LIN52: variants seen among roughly 807,000 people sequenced by gnomAD.
LIN52 encodes the protein lin-52 DREAM MuvB core complex component, also known as protein lin-52 homolog.
A neutral mutation model predicts 18.5 loss-of-function variants in LIN52; 4 were observed. That is an observed-to-expected ratio of 0.22 (90% CI 0.11 to 0.49). LIN52 has a LOEUF of 0.49. Ranked by LOEUF, LIN52 falls within the 20% of genes least tolerant of loss-of-function variation. LIN52 has a pLI of 0.97. For missense variants in LIN52, 102 were observed against 139.5 expected (o/e 0.73, Z 1.35); for synonymous variants, 34 against 45.5 (o/e 0.75, Z 1.02).
rs559769860 is a variant in LIN52, at chr14:74,199,142, G to T, written c.*165G>T. ...CACTCTACACGTCTGAGGACATTCA[G>T]CAGCAAGAGAAGAATCTGCTCTACC... On this transcript the variant is annotated 3_prime_UTR_variant, in exon 6 of 6. Coordinates refer to ENST00000555028, the MANE Select transcript of LIN52 (RefSeq NM_001024674.3). 1.4e-4 allele frequency: 78 copies of T among 542,822 alleles called. 1 individual carries two copies. In the South Asian group the frequency reaches 2.1e-3, roughly 14 times the overall value. The allele number at this position is 542,822 out of a possible 1,614,324, so 33.6% of individuals were successfully genotyped here.
In LIN52 at chr14:74,200,641, T is replaced by C. The variant is rs1199308617; in HGVS notation, c.*1664T>C. On this transcript the variant is annotated 3_prime_UTR_variant, in exon 6 of 6. Transcript: ENST00000555028. ...CATTTGACCATCAATGTAGTTTTAC[T>C]TATTGAAAGGAAAAAAGACTTAACA... The C allele has an allele frequency of 6.6e-6, 1 of 152,156 alleles. No individual in the cohort carries two copies. The highest frequency in any genetic ancestry group is 1.5e-5 in the Non-Finnish European group (1 of 68,030). 9.4% of individuals were successfully genotyped at this position (152,156 alleles called of 1,614,324 possible). A position where few individuals can be genotyped will look rare whatever the true frequency, so the allele number is the denominator to read the frequency against.
At chr14:74,165,456 CAG>C (rs1208748615) in intron 5 of LIN52, among the ~76,000 whole-genome samples, 10 of 148,550 alleles carry the variant, frequency 6.7e-5, no homozygotes, top group Non-Finnish European at 1.5e-4. Context: ...ATCAGCTAAA[CAG>C]AGTGAAAGTG....
intron 4 of LIN52, among the ~76,000 whole-genome samples, chr14:74,099,825 T>A (rs142010108): frequency 6.6e-6 from 1 of 152,160 alleles, no homozygotes; most frequent in African/African-American, 2.4e-5. Flanking sequence ...ACCAGTTTAT[T>A]GATCTGGGTG....
At chr14:74,175,750 A>ACACACACAC in intron 5 of LIN52, among the ~76,000 whole-genome samples, 1 of 84,898 alleles carries the variant, frequency 1.2e-5, no homozygotes, top group Middle Eastern at 5.2e-3. Flanking sequence ...ACACACACAC[A>ACACACACAC]CCCCCATTAT....
intron 5 of LIN52, among the ~76,000 whole-genome samples, chr14:74,152,314 G>A (rs948077878): frequency 1.2e-4 from 17 of 147,720 alleles, no homozygotes; most frequent in Non-Finnish European, 2.4e-4. Context: ...CTACAGATGG[G>A]CTCTACATTG....
chr14:74,090,598 G>C (rs1028553899), intron 1 of LIN52, among the ~76,000 whole-genome samples: 1 of 151,946 alleles, frequency 6.6e-6, no homozygotes, highest in East Asian at 1.9e-4. Flanking sequence ...GCCTCCCAAA[G>C]TGCTGGGATT....
intron 5 of LIN52, chr14:74,174,414 G>T (rs2061283617): frequency 6.6e-6 from 1 of 152,226 alleles, no homozygotes; most frequent in African/African-American, 2.4e-5. Flanking sequence ...GTAAGTATTG[G>T]TGCATCTAAA....
chr14:74,161,483 G>A (rs748685424), intron 5 of LIN52, among the ~76,000 whole-genome samples: 5 of 152,084 alleles, frequency 3.3e-5, no homozygotes, highest in East Asian at 1.9e-4. Context: ...CACCGTGCCC[G>A]GTCTGAACAG....
intron 5 of LIN52, among the ~76,000 whole-genome samples, chr14:74,108,613 G>T (rs1386786147): frequency 2.0e-5 from 3 of 152,068 alleles, no homozygotes; most frequent in Admixed American, 6.6e-5. Flanking sequence ...GTGTCTCATT[G>T]TGGTTTGGAT....
intron 5 of LIN52, among the ~76,000 whole-genome samples, chr14:74,188,815 A>T (rs1054734313): frequency 3.3e-5 from 5 of 152,162 alleles, no homozygotes; most frequent in Non-Finnish European, 7.3e-5. Flanking sequence ...CAGCCAGGGG[A>T]GTTTCAGACA....
rs550531852 is a variant in LIN52, at chr14:74,125,689, C to T, written c.283+24451C>T. Among the ~76,000 whole-genome samples the T allele has an allele frequency of 5.3e-5, 8 of 151,956 alleles. No individual in the cohort carries two copies. In the South Asian group the frequency reaches 8.3e-4, roughly 16 times the overall value. On this transcript the variant is annotated intron_variant, in intron 5 of 5. Transcript: ENST00000555028. ...TTAAGAAAATGTGGCACATATTCAC[C>T]CTGGAATACTATGCAGCCATGAAAA...
At chr14:74,136,720 A>T (rs919793725) in intron 5 of LIN52, among the ~76,000 whole-genome samples, 2 of 152,222 alleles carry the variant, frequency 1.3e-5, no homozygotes, top group East Asian at 3.8e-4. Context: ...AGGGATTGAT[A>T]ACTTTGTATT....
chr14:74,127,863 C>A (rs921401862), intron 5 of LIN52, among the ~76,000 whole-genome samples: 2 of 151,994 alleles, frequency 1.3e-5, no homozygotes, highest in African/African-American at 4.8e-5. Flanking sequence ...AGGCATGAAC[C>A]ACCACGCCTG....
intron 5 of LIN52, among the ~76,000 whole-genome samples, chr14:74,119,617 T>C (rs772242961): frequency 6.6e-6 from 1 of 152,228 alleles, no homozygotes; most frequent in Non-Finnish European, 1.5e-5. Context: ...TTTCAGTTGC[T>C]CCAAGTCCTT....
At chr14:74,143,497 C>T (rs1361731121) in intron 5 of LIN52, among the ~76,000 whole-genome samples, 1 of 152,124 alleles carries the variant, frequency 6.6e-6, no homozygotes, top group African/African-American at 2.4e-5. Context: ...GAGCCTGCAG[C>T]GAGCTGTGAT....
Position 74,148,776 on chromosome 14 carries a change from A to G in LIN52, c.283+47538A>G, listed in dbSNP as rs879767582. Among the ~76,000 whole-genome samples the G allele has an allele frequency of 2.6e-3, 400 of 152,326 alleles. 6 individuals are homozygous for G. The highest frequency in any genetic ancestry group is 4.0e-4 in the Non-Finnish European group (27 of 68,032). On this transcript the variant is annotated intron_variant, in intron 5 of 5. Coordinates refer to ENST00000555028, the MANE Select transcript of LIN52 (RefSeq NM_001024674.3). ...ATTGCTTGATTGTCTATTCCTCCAC[A>G]TATAGATCAGTATGTTAAGGGGGCG...
At chr14:74,191,625 TTTTC>T (rs901379393) in intron 5 of LIN52, among the ~76,000 whole-genome samples, 7 of 151,908 alleles carry the variant, frequency 4.6e-5, no homozygotes, top group African/African-American at 9.7e-5. Flanking sequence ...ACTGGGGTTT[TTTTC>T]TTTCTTTCTT....
chr14:74,090,783 T>G (rs1008631712), intron 1 of LIN52, among the ~76,000 whole-genome samples: 43 of 152,190 alleles, frequency 2.8e-4, no homozygotes, highest in Non-Finnish European at 1.2e-4. Flanking sequence ...GTGTACAAAC[T>G]TTAGTGACAC....
intron 5 of LIN52, among the ~76,000 whole-genome samples, chr14:74,160,904 C>T (rs759229832): frequency 2.0e-5 from 3 of 152,150 alleles, no homozygotes; most frequent in Non-Finnish European, 2.9e-5. Flanking sequence ...TAAATGCTTT[C>T]TTATAATCAG....
Sources: gnomAD v4.1 joint callset for allele counts (sites outside exome capture counted in the v4.1 genomes callset) on GRCh38, gnomAD v4.1.1 for gene constraint, MANE v1.5 for transcripts, NCBI Gene and HGNC (gene_info 2026-07-23, HGNC 2026-07-21) for gene names.